Variants in ENOX1 observed in about 807,000 individuals in gnomAD.
The protein encoded by ENOX1 is ecto-NOX disulfide-thiol exchanger 1, also known as candidate growth-related and time keeping constitutive hydroquinone (NADH) oxidase.
ENOX1 carries 42 observed loss-of-function variants against 82.5 expected under a neutral mutation model. That is an observed-to-expected ratio of 0.51 (90% CI 0.40 to 0.66). The LOEUF (loss-of-function observed/expected upper bound fraction) is 0.66, where lower values mean the gene tolerates loss of function less well. Among genes scored for constraint, ENOX1 ranks in the 30% least tolerant of loss-of-function variants. The pLI, the probability that ENOX1 is intolerant of heterozygous loss-of-function variation, is 0.00. For synonymous variants in ENOX1, 271 were observed against 282.2 expected (o/e 0.96, Z 0.40); for missense variants, 608 against 811.6 (o/e 0.75, Z 3.05).
chr13:43,480,409 CA>C (rs1346065149), intron 3 of ENOX1, among the ~76,000 whole-genome samples: 1 of 152,086 alleles, frequency 6.6e-6, no homozygotes, highest in African/African-American at 2.4e-5. Flanking sequence ...TTAAGAGACT[CA>C]GGAAAGAACT....
rs191106942 is a variant in ENOX1, at chr13:43,419,070, C to T, written c.-74-6082G>A. 2.1e-3 allele frequency among the ~76,000 whole-genome samples: 324 copies of T among 151,862 alleles called. 4 individuals are homozygous for T. The highest frequency in any genetic ancestry group is 3.4e-3 in the Middle Eastern group (1 of 294). ...GCGGGTGCCTGTAGTCCCAGCTACA[C>T]GGGAGGCTGAGGCAGGAGAATCGCT... is the stretch of plus-strand genomic sequence containing the variant. On this transcript the variant is annotated intron_variant, in intron 3 of 16. Coordinates refer to ENST00000690772, the MANE Select transcript of ENOX1 (RefSeq NM_001347969.2).
intron 2 of ENOX1, among the ~76,000 whole-genome samples, chr13:43,661,717 G>A (rs1251117996): frequency 6.6e-6 from 1 of 152,034 alleles, no homozygotes; most frequent in Non-Finnish European, 1.5e-5. Flanking sequence ...AAAAATGAGG[G>A]ATCTACATTT....
chr13:43,297,063 T>C (rs2046324238), intron 12 of ENOX1, among the ~76,000 whole-genome samples: 1 of 152,344 alleles, frequency 6.6e-6, no homozygotes, highest in South Asian at 2.1e-4. Flanking sequence ...GACCTCTGAA[T>C]CTCACTGATT....
intron 1 of ENOX1, among the ~76,000 whole-genome samples, chr13:43,751,378 T>C (rs1176634333): frequency 2.6e-5 from 4 of 152,208 alleles, no homozygotes; most frequent in Non-Finnish European, 5.9e-5. Flanking sequence ...GTTTATGGAA[T>C]AATAGTTTAA....
At chr13:43,266,175 G>A (rs2044359561) in intron 13 of ENOX1, among the ~76,000 whole-genome samples, 1 of 152,074 alleles carries the variant, frequency 6.6e-6, no homozygotes, top group Non-Finnish European at 1.5e-5. Flanking sequence ...AGAATCAGAC[G>A]GCAAAGGAAG....
chr13:43,528,732 G>A (rs981946705), intron 2 of ENOX1, among the ~76,000 whole-genome samples: 2 of 151,960 alleles, frequency 1.3e-5, no homozygotes, highest in Non-Finnish European at 2.9e-5. Flanking sequence ...AGTTTTCCAC[G>A]AGAATTTTAA....
chr13:43,462,991 A>G (rs996557604), intron 3 of ENOX1, among the ~76,000 whole-genome samples: 2 of 152,202 alleles, frequency 1.3e-5, no homozygotes, highest in Non-Finnish European at 2.9e-5. Flanking sequence ...TCTGTTTTGG[A>G]TGAACTATGT....
chr13:43,503,081 A>G (rs1465778495), intron 2 of ENOX1, among the ~76,000 whole-genome samples: 1 of 151,658 alleles, frequency 6.6e-6, no homozygotes, highest in Non-Finnish European at 1.5e-5. Flanking sequence ...ACAATTAGCT[A>G]TCTGAAAAGG....
At chr13:43,321,791 T>C (rs980133201) in intron 11 of ENOX1, among the ~76,000 whole-genome samples, 20 of 152,260 alleles carry the variant, frequency 1.3e-4, no homozygotes, top group African/African-American at 4.8e-4. Context: ...ACAATACCAA[T>C]GGATTTATAT....
chr13:43,390,625 T>G (rs2052715951), intron 5 of ENOX1, among the ~76,000 whole-genome samples: 1 of 152,202 alleles, frequency 6.6e-6, no homozygotes, highest in African/African-American at 2.4e-5. Context: ...TTACTTTTTA[T>G]ATTATCCCCT....
chr13:43,286,946 C>G (rs926329671), intron 12 of ENOX1, among the ~76,000 whole-genome samples: 5 of 152,154 alleles, frequency 3.3e-5, no homozygotes, highest in African/African-American at 1.2e-4. Context: ...TTCTTGTCTT[C>G]TGCTGTCTTG....
chr13:43,668,647 A>G (rs2085103846), intron 1 of ENOX1, among the ~76,000 whole-genome samples: 1 of 152,204 alleles, frequency 6.6e-6, no homozygotes, highest in African/African-American at 2.4e-5. Context: ...AATACTGTGT[A>G]AAGAGCCCCA....
chr13:43,448,330 T>G (rs1190723962), intron 3 of ENOX1, among the ~76,000 whole-genome samples: 2 of 152,264 alleles, frequency 1.3e-5, no homozygotes, highest in African/African-American at 4.8e-5. Flanking sequence ...GGACTTTGTT[T>G]AAGCTTAGGC....
chr13:43,488,161 T>C (rs1438726184), intron 2 of ENOX1, among the ~76,000 whole-genome samples: 1 of 152,168 alleles, frequency 6.6e-6, no homozygotes, highest in Non-Finnish European at 1.5e-5. Flanking sequence ...GAGAGTTCTA[T>C]GGTTGAAATG....
intron 2 of ENOX1, among the ~76,000 whole-genome samples, chr13:43,557,576 G>C (rs1048070353): frequency 2.0e-5 from 3 of 152,118 alleles, no homozygotes; most frequent in African/African-American, 7.2e-5. Context: ...CCTCATTCTG[G>C]CCTAGAAATA....
chr13:43,637,921 A>G (rs918162775), intron 2 of ENOX1, among the ~76,000 whole-genome samples: 1 of 152,322 alleles, frequency 6.6e-6, no homozygotes, highest in South Asian at 2.1e-4. Flanking sequence ...GCAATAGGAA[A>G]GACTCCCATT....
chr13:43,475,794 C>CAACAA (rs2058253784), intron 3 of ENOX1, among the ~76,000 whole-genome samples: 1 of 70,946 alleles, frequency 1.4e-5, no homozygotes, highest in Admixed American at 1.7e-4. Context: ...CATAACTGAC[C>CAACAA]AAAAAAAAAA....
At chr13:43,622,472 G>A (rs111384260) in intron 2 of ENOX1, among the ~76,000 whole-genome samples, 4,912 of 152,216 alleles carry the variant, frequency 0.032, 252 homozygotes, top group African/African-American at 0.11. Flanking sequence ...CTTTTCCTAT[G>A]GATGTGGCTT....
chr13:43,421,120 A>C (rs1318017760), intron 3 of ENOX1, among the ~76,000 whole-genome samples: 1 of 152,162 alleles, frequency 6.6e-6, no homozygotes, highest in Non-Finnish European at 1.5e-5. Flanking sequence ...ATGGGCAGAA[A>C]ATGGAGTTGG....
Sources: allele counts gnomAD v4.1 joint callset (sites outside exome capture counted in the v4.1 genomes callset), GRCh38; gene constraint gnomAD v4.1.1; transcripts MANE v1.5; gene names NCBI Gene and HGNC (gene_info 2026-07-23, HGNC 2026-07-21).